Variants in PPM1L observed in about 807,000 individuals in gnomAD.
PPM1L encodes the protein protein phosphatase 1L.
In PPM1L, 13 loss-of-function variants were observed where a neutral mutation model predicts 31.4. The observed-to-expected ratio is 0.41, with a 90% CI of 0.27 to 0.66. The LOEUF (loss-of-function observed/expected upper bound fraction) is 0.66, where lower values mean the gene tolerates loss of function less well. PPM1L is among the 30% of genes least tolerant of loss of function. The pLI is 0.29. For missense variants in PPM1L, 326 were observed against 453.7 expected (o/e 0.72, Z 2.56); for synonymous variants, 184 against 175.4 (o/e 1.05, Z -0.39).
chr3:160,786,205 ATATTTTTTTTTTTTTTTT>A (rs1317920517), intron 1 of PPM1L, among the ~76,000 whole-genome samples: 1 of 62,438 alleles, frequency 1.6e-5, no homozygotes, highest in Non-Finnish European at 2.6e-5. Context: ...ATATATATAT[ATATTTTTTTTTTTTTTTT>A]TTTTTTTTTT....
intron 1 of PPM1L, among the ~76,000 whole-genome samples, chr3:160,899,024 T>C (rs1713445062): frequency 6.6e-6 from 1 of 152,158 alleles, no homozygotes; most frequent in African/African-American, 2.4e-5. Context: ...AACGTTCCAG[T>C]GTTCATAATA....
intron 1 of PPM1L, among the ~76,000 whole-genome samples, chr3:160,815,701 T>C (rs1309313835): frequency 6.6e-6 from 1 of 152,138 alleles, no homozygotes; most frequent in Non-Finnish European, 1.5e-5. Context: ...TAGAAATTAT[T>C]CCCAAGGACT....
At chr3:161,055,078 T>G (rs1329359050) in intron 2 of PPM1L, among the ~76,000 whole-genome samples, 1 of 151,924 alleles carries the variant, frequency 6.6e-6, no homozygotes, top group Admixed American at 6.5e-5. Context: ...ATGACTCTGA[T>G]GATGGCCTGC....
chr3:161,046,349 T>G (rs193189125), intron 2 of PPM1L, among the ~76,000 whole-genome samples: 336 of 152,174 alleles, frequency 2.2e-3, no homozygotes, highest in African/African-American at 8.0e-3. Context: ...AAAAAATTGA[T>G]AAATTCTTGG....
intron 1 of PPM1L, among the ~76,000 whole-genome samples, chr3:160,844,028 A>G (rs1713993286): frequency 1.3e-5 from 2 of 152,180 alleles, no homozygotes; most frequent in Admixed American, 6.6e-5. Flanking sequence ...CAAGCCAATT[A>G]TTCTTCCATG....
intron 1 of PPM1L, among the ~76,000 whole-genome samples, chr3:160,777,051 G>A (rs1360329763): frequency 2.6e-5 from 4 of 151,978 alleles, no homozygotes; most frequent in Non-Finnish European, 5.9e-5. Flanking sequence ...TGCTGGGCAT[G>A]GTGGCTCATG....
Position 161,073,358 on chromosome 3 carries a change from A to G in PPM1L, c.*4201A>G, listed in dbSNP as rs1292870593. On this transcript the variant is annotated 3_prime_UTR_variant, in exon 4 of 4. Transcript: ENST00000498165. ...TGTGTTCTAAAGAACACCCTTTGGGAAATTCTGGTATATTGAAATATTGCT... is the reference window on the plus strand; with the variant it reads ...TGTGTTCTAAAGAACACCCTTTGGGGAATTCTGGTATATTGAAATATTGCT... The G allele has an allele frequency of 6.6e-6, 1 of 152,130 alleles. No individual in the cohort carries two copies. The highest frequency in any genetic ancestry group is 1.5e-5 in the Non-Finnish European group (1 of 68,024). The allele number at this position is 152,130 out of a possible 1,614,324, so 9.4% of individuals were successfully genotyped here.
At chr3:161,055,698 G>T (rs1719391167) in intron 2 of PPM1L, among the ~76,000 whole-genome samples, 1 of 151,992 alleles carries the variant, frequency 6.6e-6, no homozygotes, top group African/African-American at 2.4e-5. Flanking sequence ...GTGTGTGTGT[G>T]CCTATCTCTC....
At chr3:160,757,284 C>T (rs1424574598) in intron 1 of PPM1L, among the ~76,000 whole-genome samples, 2 of 152,234 alleles carry the variant, frequency 1.3e-5, no homozygotes, top group African/African-American at 4.8e-5. Context: ...CAAGTGCAAT[C>T]GGGCCAATTG....
At chr3:160,778,632 C>G (rs1267756379) in intron 1 of PPM1L, among the ~76,000 whole-genome samples, 1 of 152,142 alleles carries the variant, frequency 6.6e-6, no homozygotes, top group Non-Finnish European at 1.5e-5. Flanking sequence ...AGAGACCTGT[C>G]CCAGTGGTTC....
intron 2 of PPM1L, among the ~76,000 whole-genome samples, chr3:160,989,468 G>A (rs1050840255): frequency 1.3e-5 from 2 of 150,164 alleles, no homozygotes; most frequent in Non-Finnish European, 3.0e-5. Flanking sequence ...GCAATGCTGC[G>A]ATCTTGGCTC....
intron 1 of PPM1L, among the ~76,000 whole-genome samples, chr3:160,875,613 G>T (rs1712480590): frequency 6.6e-6 from 1 of 152,182 alleles, no homozygotes; most frequent in South Asian, 2.1e-4. Flanking sequence ...AGTTATTGAG[G>T]ATTTACTATG....
intron 1 of PPM1L, among the ~76,000 whole-genome samples, chr3:160,936,037 T>C (rs1198924145): frequency 2.0e-5 from 3 of 152,154 alleles, no homozygotes; most frequent in Non-Finnish European, 2.9e-5. Flanking sequence ...TGGGTCGTTG[T>C]TCTAGATGTT....
chr3:160,764,933 G>A (rs1440236638), intron 1 of PPM1L, among the ~76,000 whole-genome samples: 1 of 152,004 alleles, frequency 6.6e-6, no homozygotes, highest in Non-Finnish European at 1.5e-5. Context: ...ATATTTTTGT[G>A]TTTCTACTGT....
intron 1 of PPM1L, among the ~76,000 whole-genome samples, chr3:160,887,029 G>C (rs1012815461): frequency 6.6e-6 from 1 of 151,988 alleles, no homozygotes; most frequent in Non-Finnish European, 1.5e-5. Context: ...ACCTGATGGA[G>C]CTGAAAAATA....
intron 2 of PPM1L, among the ~76,000 whole-genome samples, chr3:160,962,423 A>T (rs927655612): frequency 6.6e-6 from 1 of 152,156 alleles, no homozygotes; most frequent in Non-Finnish European, 1.5e-5. Context: ...GAAGTCATGG[A>T]CAGAACTCCT....
intron 1 of PPM1L, among the ~76,000 whole-genome samples, chr3:160,783,317 AGGCT>A (rs1711801712): frequency 6.6e-6 from 1 of 152,188 alleles, no homozygotes. Context: ...TAAATAATGG[AGGCT>A]GGGTGCGGTG....
At chr3:160,966,006 C>G (rs1257736636) in intron 2 of PPM1L, among the ~76,000 whole-genome samples, 1 of 152,032 alleles carries the variant, frequency 6.6e-6, no homozygotes, top group African/African-American at 2.4e-5. Context: ...TTCTCTCTCT[C>G]TTCCCCTTTA....
At chr3:160,782,262 G>T (rs892760821) in intron 1 of PPM1L, among the ~76,000 whole-genome samples, 2 of 152,010 alleles carry the variant, frequency 1.3e-5, no homozygotes, top group Non-Finnish European at 2.9e-5. Flanking sequence ...GACCTTTCGC[G>T]TATAGGTTTA....
Sources: allele counts gnomAD v4.1 joint callset (sites outside exome capture counted in the v4.1 genomes callset), GRCh38; gene constraint gnomAD v4.1.1; transcripts MANE v1.5; gene names NCBI Gene and HGNC (gene_info 2026-07-23, HGNC 2026-07-21).